Variants in TTC6 observed in about 807,000 individuals in gnomAD.
TTC6 encodes the protein tetratricopeptide repeat domain 6.
A neutral mutation model predicts 210.4 loss-of-function variants in TTC6; 172 were observed. The ratio of observed to expected loss-of-function variants is 0.82; its 90% CI spans 0.72 to 0.93. The LOEUF (loss-of-function observed/expected upper bound fraction) is 0.93, where lower values mean the gene tolerates loss of function less well. Among genes scored for constraint, TTC6 ranks in the 40% least tolerant of loss-of-function variants. TTC6 has a pLI of 0.00. For missense variants in TTC6, 2,414 were observed against 2,318.1 expected, an observed-to-expected ratio of 1.04 and a Z score of -0.85; for synonymous variants, 804 against 819.6, an observed-to-expected ratio of 0.98 and a Z score of 0.32.
At chr14:37,795,320 T>G in exon 18 of TTC6, 1 of 1,532,018 alleles carries the variant, frequency 6.5e-7, no homozygotes, top group Non-Finnish European at 8.7e-7. Context: ...CTATCCACCT[T>G]CAGCCAGATG....
At chr14:37,601,728 T>C (rs2095615974) in intron 1 of TTC6, among the ~76,000 whole-genome samples, 1 of 152,154 alleles carries the variant, frequency 6.6e-6, no homozygotes, top group Non-Finnish European at 1.5e-5. Flanking sequence ...TATAATCGGG[T>C]GGCATAACAA....
At chr14:37,832,318 TTTC>T (rs2096187268) in intron 29 of TTC6, among the ~76,000 whole-genome samples, 1 of 132,206 alleles carries the variant, frequency 7.6e-6, no homozygotes, top group South Asian at 2.5e-4. Flanking sequence ...TTATTTTCTT[TTTC>T]TTTCTCTCTT....
rs184280899 is a variant in TTC6, at chr14:37,723,688, A to C, written c.1714-1210A>C. ...TTACCTACTGTATAATGCTATGTGC[A>C]CAGTTCCTTTTGCCTTTGGTTTTAT... On this transcript the variant is annotated intron_variant, in intron 6 of 30. Transcript: ENST00000553443. Among the ~76,000 whole-genome samples, 289 of 152,300 alleles carry C rather than the reference A, an allele frequency of 1.9e-3. 1 individual carries two copies. Among genetic ancestry groups the C allele is most frequent in the Non-Finnish European group, 3.4e-3 (232 of 68,016 alleles).
exon 31 of TTC6, chr14:37,842,408 TC>T: frequency 2.2e-6 from 2 of 893,106 alleles, no homozygotes; most frequent in East Asian, 3.0e-5. Context: ...TGCTTAGTCT[TC>T]CATATAACCT....
intron 14 of TTC6, among the ~76,000 whole-genome samples, chr14:37,767,125 G>T (rs1240880525): frequency 6.6e-6 from 1 of 152,168 alleles, no homozygotes; most frequent in Non-Finnish European, 1.5e-5. Flanking sequence ...CAAAGGACAA[G>T]AACTCATCAT....
At chr14:37,616,042 A>T (rs889957412) in intron 2 of TTC6, among the ~76,000 whole-genome samples, 2 of 152,194 alleles carry the variant, frequency 1.3e-5, no homozygotes. Flanking sequence ...TTTAGCAGGC[A>T]TTTCACCAGT....
chr14:37,779,601 A>G (rs1490376583), intron 14 of TTC6, among the ~76,000 whole-genome samples: 6 of 152,146 alleles, frequency 3.9e-5, no homozygotes, highest in Non-Finnish European at 1.5e-5. Flanking sequence ...ATTATTAGAT[A>G]TTTTTTGTTC....
chr14:37,827,247 A>G, exon 29 of TTC6: 1 of 1,613,112 alleles, frequency 6.2e-7, no homozygotes, highest in Non-Finnish European at 8.5e-7. Flanking sequence ...TCATGAGTTT[A>G]TGGGCCACAA....
chr14:37,622,976 T>C lies in TTC6; in HGVS notation c.912T>C (p.Leu304=). 13 of 1,490,684 alleles carry C rather than the reference T, an allele frequency of 8.7e-6. No homozygotes were observed. In the South Asian group the frequency reaches 1.6e-4, roughly 19 times the overall value. 92.3% of individuals were successfully genotyped at this position (1,490,684 alleles called of 1,614,324 possible). A position where few individuals can be genotyped will look rare whatever the true frequency, so the allele number is the denominator to read the frequency against. ...TCAAAGAGCTCATACGGAGCGTCCTTGGCCAGAACTACGACATTACAATGG... is the reference window on the plus strand; with the variant it reads ...TCAAAGAGCTCATACGGAGCGTCCTCGGCCAGAACTACGACATTACAATGG... The change falls in exon 1 of 31, where the codon CTT becomes CTC. Residue 304 remains leucine, a synonymous_variant. Coordinates refer to ENST00000553443, the Ensembl canonical transcript of TTC6.
intron 1 of TTC6, among the ~76,000 whole-genome samples, chr14:37,643,347 A>G (rs2095695713): frequency 6.6e-6 from 1 of 152,118 alleles, no homozygotes; most frequent in African/African-American, 2.4e-5. Flanking sequence ...AAATAAAACA[A>G]AAACAAACAA....
chr14:37,659,137 A>G (rs972805801), intron 1 of TTC6, among the ~76,000 whole-genome samples: 4 of 152,022 alleles, frequency 2.6e-5, no homozygotes, highest in African/African-American at 9.7e-5. Context: ...GCTGCATAGT[A>G]TTTCATGGTA....
intron 2 of TTC6, among the ~76,000 whole-genome samples, chr14:37,609,425 A>G (rs2095630683): frequency 6.6e-6 from 1 of 152,226 alleles, no homozygotes; most frequent in East Asian, 1.9e-4. Flanking sequence ...CAATCAATCA[A>G]TCAATCAATC....
intron 14 of TTC6, among the ~76,000 whole-genome samples, chr14:37,761,157 G>T (rs1422616383): frequency 6.6e-6 from 1 of 152,234 alleles, no homozygotes; most frequent in South Asian, 2.1e-4. Flanking sequence ...GGCACACAGG[G>T]AGTCTCCTGA....
At chr14:37,696,204 G>A (rs1286116433) in intron 3 of TTC6, among the ~76,000 whole-genome samples, 1 of 151,958 alleles carries the variant, frequency 6.6e-6, no homozygotes, top group African/African-American at 2.4e-5. Flanking sequence ...CCCAAGGAGG[G>A]CCTCCCTGAT....
intron 1 of TTC6, among the ~76,000 whole-genome samples, chr14:37,674,056 T>C (rs1184715227): frequency 6.6e-6 from 1 of 152,144 alleles, no homozygotes; most frequent in African/African-American, 2.4e-5. Context: ...AAAATTTTTC[T>C]TTTTGATTTT....
intron 14 of TTC6, among the ~76,000 whole-genome samples, chr14:37,776,819 G>A (rs924193355): frequency 6.6e-5 from 10 of 151,846 alleles, no homozygotes; most frequent in Admixed American, 2.0e-4. Context: ...TGGGTTGGGC[G>A]GGGGCGGGCT....
At chr14:37,796,812 G>A (rs1414012874) in exon 20 of TTC6, 1 of 1,606,726 alleles carries the variant, frequency 6.2e-7, no homozygotes, top group Non-Finnish European at 8.5e-7. Context: ...GTCCTATGCA[G>A]CAAGCCCTTA....
chr14:37,635,981 CAAAAAAA>C (rs71433909), intron 1 of TTC6, among the ~76,000 whole-genome samples: 8 of 70,360 alleles, frequency 1.1e-4, no homozygotes, highest in Admixed American at 1.7e-4. Flanking sequence ...ATTCCATTTC[CAAAAAAA>C]AAAAAAAAAA....
chr14:37,654,606 A>T (rs574098557), intron 1 of TTC6, among the ~76,000 whole-genome samples: 4 of 152,246 alleles, frequency 2.6e-5, no homozygotes, highest in African/African-American at 9.6e-5. Context: ...GTATTTCTTT[A>T]TAGCAATGTG....
Sources: gnomAD v4.1 joint callset for allele counts (sites outside exome capture counted in the v4.1 genomes callset) on GRCh38, gnomAD v4.1.1 for gene constraint, MANE v1.5 for transcripts, NCBI Gene and HGNC (gene_info 2026-07-23, HGNC 2026-07-21) for gene names.